RASAL2: variants seen among roughly 807,000 people sequenced by gnomAD.
RASAL2 encodes the protein RAS protein activator like 2.
Under a neutral mutation model 128.9 loss-of-function variants are expected in RASAL2, and 58 were observed. The observed-to-expected ratio is 0.45, with a 90% CI of 0.36 to 0.56. RASAL2 has a LOEUF of 0.56. Ranked by LOEUF, RASAL2 falls within the 20% of genes least tolerant of loss-of-function variation. The probability of loss-of-function intolerance (pLI) is 0.00; values close to 1 mark genes in which losing one functional copy is unlikely to be tolerated. For synonymous variants in RASAL2, 561 were observed against 580.8 expected, an observed-to-expected ratio of 0.97 and a Z score of 0.49; for missense variants, 1,360 against 1,601.6, an observed-to-expected ratio of 0.85 and a Z score of 2.57.
chr1:178,243,502 G>C (rs962396931), intron 1 of RASAL2, among the ~76,000 whole-genome samples: 8 of 151,554 alleles, frequency 5.3e-5, no homozygotes, highest in Non-Finnish European at 1.0e-4. Flanking sequence ...GGGAGTCCCA[G>C]ATCTGGAGGG....
In RASAL2 at chr1:178,457,907, T is replaced by C; in HGVS notation, c.2615T>C (p.Ile872Thr). ...EHASVMLDVP[I>T]RLTGSQLSIT... ...GCATCTGTCATGCTTGATGTGCCTA[T>C]ACGCTTGACCGGAAGCCAGCTTTCC... is the stretch of plus-strand genomic sequence containing the variant. Residue 872 changes from isoleucine to threonine, a missense_variant, in exon 14 of 18, where the codon ATA (isoleucine) becomes ACA (threonine). Ile to Thr is a moderately conservative substitution (Grantham distance 89). Coordinates refer to ENST00000367649, the MANE Select transcript of RASAL2 (RefSeq NM_170692.4). The C allele has an allele frequency of 6.2e-7, 1 of 1,614,194 alleles. No individual in the cohort carries two copies. Among genetic ancestry groups the C allele is most frequent in the Non-Finnish European group, 8.5e-7 (1 of 1,180,036 alleles).
At chr1:178,116,861 C>T (rs1204578279) in intron 1 of RASAL2, among the ~76,000 whole-genome samples, 5 of 152,154 alleles carry the variant, frequency 3.3e-5, no homozygotes, top group Non-Finnish European at 7.3e-5. Flanking sequence ...CCGCCTGCCT[C>T]CGCCTCCCAA....
At chr1:178,263,887 T>G (rs1207952210) in intron 1 of RASAL2, among the ~76,000 whole-genome samples, 1 of 152,220 alleles carries the variant, frequency 6.6e-6, no homozygotes, top group South Asian at 2.1e-4. Flanking sequence ...TTGTGTCTGC[T>G]GAAAATCTGT....
intron 3 of RASAL2, among the ~76,000 whole-genome samples, chr1:178,318,577 T>G (rs1346509950): frequency 1.7e-4 from 26 of 149,998 alleles, no homozygotes; most frequent in Non-Finnish European, 3.1e-4. Flanking sequence ...TGATCTTTGT[T>G]GGTTTAAAGT....
chr1:178,149,092 T>A (rs985567242), intron 1 of RASAL2, among the ~76,000 whole-genome samples: 5 of 152,110 alleles, frequency 3.3e-5, no homozygotes, highest in South Asian at 2.1e-4. Context: ...TCTAAACCCA[T>A]GTAAAAATAC....
intron 1 of RASAL2, among the ~76,000 whole-genome samples, chr1:178,162,135 T>C (rs1242326005): frequency 6.7e-6 from 1 of 149,068 alleles, no homozygotes; most frequent in Non-Finnish European, 1.5e-5. Context: ...TGGCTAATTT[T>C]TTGTATTTTT....
At chr1:178,100,284 G>A (rs1047228350) in intron 1 of RASAL2, among the ~76,000 whole-genome samples, 6 of 151,858 alleles carry the variant, frequency 4.0e-5, no homozygotes, top group African/African-American at 1.2e-4. Context: ...AGGAGGCCAA[G>A]GTGGGCGGAT....
intron 2 of RASAL2, among the ~76,000 whole-genome samples, chr1:178,293,653 T>G (rs192512019): frequency 6.6e-6 from 1 of 152,400 alleles, no homozygotes; most frequent in East Asian, 1.9e-4. Flanking sequence ...GCTGATGTTA[T>G]GCTTTTTCCT....
intron 1 of RASAL2, among the ~76,000 whole-genome samples, chr1:178,141,289 C>CTTT (rs1219399010): frequency 1.3e-5 from 2 of 150,682 alleles, no homozygotes; most frequent in Non-Finnish European, 2.9e-5. Context: ...GGGGGTTGCC[C>CTTT]ACTCCCAGCT....
intron 5 of RASAL2, among the ~76,000 whole-genome samples, chr1:178,423,089 G>A (rs963804533): frequency 6.6e-6 from 1 of 151,972 alleles, no homozygotes; most frequent in African/African-American, 2.4e-5. Flanking sequence ...TTGCTTTTTA[G>A]TATAAATATT....
At chr1:178,100,244 G>A (rs958993513) in intron 1 of RASAL2, among the ~76,000 whole-genome samples, 1 of 151,912 alleles carries the variant, frequency 6.6e-6, no homozygotes, top group Admixed American at 6.6e-5. Flanking sequence ...GGCCGGGCGC[G>A]GTGGCTTATG....
In RASAL2 at chr1:178,282,949, C is replaced by T. The variant is rs1666852317; in HGVS notation, c.203-615C>T. On this transcript the variant is annotated intron_variant, in intron 1 of 17. Coordinates refer to ENST00000367649, the MANE Select transcript of RASAL2 (RefSeq NM_170692.4). ...ATGAGACAGTTGGGAATTGCTGAGA[C>T]ATTTTGCTTTAATATCGGGTACCTC... 2.0e-5 allele frequency among the ~76,000 whole-genome samples: 3 copies of T among 152,128 alleles called. No individual in the cohort carries two copies. The South Asian group carries it at 6.2e-4, about 32-fold the overall frequency.
At chr1:178,180,501 A>G (rs1442989048) in intron 1 of RASAL2, among the ~76,000 whole-genome samples, 2 of 150,668 alleles carry the variant, frequency 1.3e-5, no homozygotes, top group Middle Eastern at 3.2e-3. Flanking sequence ...AAAAAAAAAA[A>G]AAAAAAAACC....
chr1:178,149,985 T>A (rs1456429661), intron 1 of RASAL2, among the ~76,000 whole-genome samples: 2 of 152,160 alleles, frequency 1.3e-5, no homozygotes, highest in East Asian at 3.9e-4. Context: ...CTGCTTTAGA[T>A]GGTTCAACTT....
intron 1 of RASAL2, among the ~76,000 whole-genome samples, chr1:178,196,585 G>A (rs559390116): frequency 9.2e-5 from 14 of 152,296 alleles, no homozygotes; most frequent in East Asian, 3.9e-4. Context: ...ATATAAAAGC[G>A]TTGTATTAGG....
intron 3 of RASAL2, among the ~76,000 whole-genome samples, chr1:178,371,015 T>C (rs1671670560): frequency 6.6e-6 from 1 of 151,958 alleles, no homozygotes; most frequent in African/African-American, 2.4e-5. Context: ...AGCTCTATCT[T>C]TTATTAAGAA....
intron 3 of RASAL2, chr1:178,341,662 A>C: frequency 6.2e-7 from 1 of 1,611,610 alleles, no homozygotes. Flanking sequence ...TTTAAGGGGA[A>C]TGTGGCTTTT....
At position 178,368,009 on chromosome 1, in the gene RASAL2, C is replaced by T. The variant is rs575365099; in HGVS notation, c.458-22091C>T. Among the ~76,000 whole-genome samples, 9 of 152,250 alleles carry T rather than the reference C, an allele frequency of 5.9e-5. No individual in the cohort carries two copies. In the South Asian group the frequency reaches 1.7e-3, roughly 28 times the overall value. On this transcript the variant is annotated intron_variant, in intron 3 of 17. Transcript: ENST00000367649. ...GAACACAGCCATGCCCATTAGTCTA[C>T]GTATTTTCTATGGTTGTTTTTGTGC...
intron 3 of RASAL2, among the ~76,000 whole-genome samples, chr1:178,329,245 G>A (rs1669179228): frequency 6.6e-6 from 1 of 152,188 alleles, no homozygotes; most frequent in African/African-American, 2.4e-5. Flanking sequence ...GGTGGAGAAG[G>A]AAGCAAAGGA....
Sources: allele counts gnomAD v4.1 joint callset (sites outside exome capture counted in the v4.1 genomes callset), GRCh38; gene constraint gnomAD v4.1.1; transcripts MANE v1.5; gene names NCBI Gene and HGNC (gene_info 2026-07-23, HGNC 2026-07-21).